HTR2C: variants seen among roughly 807,000 people sequenced by gnomAD.
The protein encoded by HTR2C is 5-hydroxytryptamine (serotonin) receptor 2C, G protein-coupled.
In HTR2C, 5 loss-of-function variants were observed where a neutral mutation model predicts 21.0. The ratio of observed to expected loss-of-function variants is 0.24; its 90% confidence interval spans 0.12 to 0.50. HTR2C has a LOEUF of 0.50. Ranked by LOEUF, HTR2C falls within the 20% of genes least tolerant of loss-of-function variation. The pLI, the probability that HTR2C is intolerant of heterozygous loss-of-function variation, is 0.98. For missense variants in HTR2C, 271 were observed against 371.2 expected (o/e 0.73, Z 2.22); for synonymous variants, 150 against 145.3 (o/e 1.03, Z -0.23).
chrX:114,786,145 C>A (rs1326628067), intron 4 of HTR2C, among the ~76,000 whole-genome samples: 1 of 111,941 alleles, frequency 8.9e-6, no homozygotes. Context: ...AGTCACCAGA[C>A]TGGCAAAAAT....
rs782745415 is a variant in HTR2C at position 114,620,690 on chromosome X, G to A, written c.-80+6809G>A. On this transcript the variant is annotated intron_variant, in intron 2 of 5. Transcript: ENST00000276198. Reference sequence around the variant, plus strand: ...ACATTATACTTTATATGTATTACACGGAATTGCACTCGGCTATTTTGCAAT... The same window carrying A: ...ACATTATACTTTATATGTATTACACAGAATTGCACTCGGCTATTTTGCAAT... Among the ~76,000 whole-genome samples, 75 of 111,141 alleles carry A rather than the reference G, an allele frequency of 6.7e-4. 1 individual carries two copies. The highest frequency in any genetic ancestry group is 2.0e-3 in the African/African-American group (61 of 30,555).
At chrX:114,799,245 A>G (rs782651303) in intron 4 of HTR2C, among the ~76,000 whole-genome samples, 2 of 111,135 alleles carry the variant, frequency 1.8e-5, no homozygotes, top group South Asian at 7.5e-4. Flanking sequence ...AAAACTTTTA[A>G]CTTTATGTTC....
chrX:114,792,552 G>C (rs1222033229), intron 4 of HTR2C, among the ~76,000 whole-genome samples: 2 of 111,335 alleles, frequency 1.8e-5, no homozygotes, highest in African/African-American at 6.5e-5. Context: ...TCATGTCTTT[G>C]GTATTGTGAA....
intron 4 of HTR2C, among the ~76,000 whole-genome samples, chrX:114,822,447 G>A (rs2070643074): frequency 8.9e-6 from 1 of 111,931 alleles, no homozygotes; most frequent in African/African-American, 3.2e-5. Context: ...TCTTGCTTAG[G>A]CAAGAATTCA....
chrX:114,728,645 C>T (rs180975887), intron 3 of HTR2C, among the ~76,000 whole-genome samples: 2 of 110,979 alleles, frequency 1.8e-5, no homozygotes, highest in African/African-American at 6.5e-5. Flanking sequence ...GACAAGACTC[C>T]TTCCTTCAAT....
intron 4 of HTR2C, among the ~76,000 whole-genome samples, chrX:114,764,925 TTTCC>T (rs1246112334): frequency 5.4e-4 from 25 of 46,225 alleles, no homozygotes; most frequent in African/African-American, 7.0e-4. Flanking sequence ...CTTTCTTTCT[TTTCC>T]TTCCTTCCTT....
intron 2 of HTR2C, among the ~76,000 whole-genome samples, chrX:114,685,738 AAG>A (rs1327157911): frequency 9.0e-6 from 1 of 111,579 alleles, no homozygotes; most frequent in Non-Finnish European, 1.9e-5. Flanking sequence ...TAGAACAAAA[AAG>A]AGTCTAATCC....
intron 2 of HTR2C, among the ~76,000 whole-genome samples, chrX:114,701,483 A>G (rs1932497776): frequency 8.9e-6 from 1 of 112,073 alleles, no homozygotes; most frequent in Admixed American, 9.5e-5. Flanking sequence ...AAACTCCAAC[A>G]GACCTGCAGC....
intron 2 of HTR2C, among the ~76,000 whole-genome samples, chrX:114,662,106 G>A (rs1363612255): frequency 1.8e-5 from 2 of 111,553 alleles, no homozygotes; most frequent in Admixed American, 1.9e-4. Flanking sequence ...TAATGGCAGA[G>A]TTTTTCAATA....
At chrX:114,690,576 T>G (rs1223793320) in intron 2 of HTR2C, among the ~76,000 whole-genome samples, 2 of 111,187 alleles carry the variant, frequency 1.8e-5, no homozygotes, top group African/African-American at 3.3e-5. Flanking sequence ...AGCCTGCATT[T>G]TAGGAAGTAG....
intron 5 of HTR2C, among the ~76,000 whole-genome samples, chrX:114,867,982 A>G (rs968352553): frequency 1.8e-5 from 2 of 111,182 alleles, no homozygotes; most frequent in Non-Finnish European, 3.8e-5. Context: ...AGCTTTGGCT[A>G]TTCCAGGTCT....
chrX:114,902,970 A>G (rs1294376000), intron 5 of HTR2C, among the ~76,000 whole-genome samples: 1 of 111,818 alleles, frequency 8.9e-6, no homozygotes, highest in African/African-American at 3.3e-5. Flanking sequence ...AGATTCTCAT[A>G]TATGTATCCA....
chrX:114,722,508 C>G (rs1225316562), intron 2 of HTR2C, among the ~76,000 whole-genome samples: 1 of 110,981 alleles, frequency 9.0e-6, no homozygotes, highest in Non-Finnish European at 1.9e-5. Context: ...CCCTTTATTT[C>G]CTTCTCCTGC....
chrX:114,724,661 T>A (rs1313251877), intron 2 of HTR2C, among the ~76,000 whole-genome samples: 1 of 106,300 alleles, frequency 9.4e-6, no homozygotes, highest in Non-Finnish European at 1.9e-5. Context: ...TACCACTTGT[T>A]CCTTTCCATG....
intron 5 of HTR2C, among the ~76,000 whole-genome samples, chrX:114,871,861 A>T (rs2071094752): frequency 1.0e-5 from 1 of 100,179 alleles, no homozygotes; most frequent in South Asian, 4.4e-4. Context: ...GTATTTTCAT[A>T]TTTTGTTTGT....
chrX:114,805,588 C>CAT (rs1556448514), intron 4 of HTR2C, among the ~76,000 whole-genome samples: 2 of 81,246 alleles, frequency 2.5e-5, no homozygotes, highest in African/African-American at 9.0e-5. Flanking sequence ...TATATATACA[C>CAT]CATATATATA....
chrX:114,683,556 G>A (rs782767153), intron 2 of HTR2C, among the ~76,000 whole-genome samples: 3 of 110,852 alleles, frequency 2.7e-5, no homozygotes, highest in East Asian at 2.9e-4. Context: ...AGGCCAAGGC[G>A]GGCGGATCAC....
At chrX:114,796,446 A>T (rs2070294209) in intron 4 of HTR2C, among the ~76,000 whole-genome samples, 2 of 111,395 alleles carry the variant, frequency 1.8e-5, no homozygotes, top group Admixed American at 1.9e-4. Flanking sequence ...CGCTGAAAGG[A>T]TCTGCATTTG....
At chrX:114,822,129 G>A (rs868987593) in intron 4 of HTR2C, among the ~76,000 whole-genome samples, 89 of 111,148 alleles carry the variant, frequency 8.0e-4, no homozygotes, top group African/African-American at 2.9e-3. Flanking sequence ...TTATAGGCGT[G>A]AGCCAACATG....
Sources: gnomAD v4.1 joint callset for allele counts (sites outside exome capture counted in the v4.1 genomes callset) on GRCh38, gnomAD v4.1.1 for gene constraint, MANE v1.5 for transcripts, NCBI Gene and HGNC (gene_info 2026-07-23, HGNC 2026-07-21) for gene names.